MTCL1: variants seen among roughly 807,000 people sequenced by gnomAD.
MTCL1 encodes microtubule crosslinking factor 1.
MTCL1 carries 79 observed loss-of-function variants against 141.4 expected under a neutral mutation model. The ratio of observed to expected loss-of-function variants is 0.56; its 90% CI spans 0.47 to 0.67. MTCL1 has a LOEUF of 0.67. Ranked by LOEUF, MTCL1 falls within the 30% of genes least tolerant of loss-of-function variation. The probability of loss-of-function intolerance (pLI) is 0.00; values close to 1 mark genes in which losing one functional copy is unlikely to be tolerated. For missense variants in MTCL1, 2,177 were observed against 2,113.9 expected (o/e 1.03, Z -0.59); for synonymous variants, 914 against 875.8 (o/e 1.04, Z -0.77).
At chr18:8,809,845 C>T (rs953300766) in intron 11 of MTCL1, 3 of 474,868 alleles carry the variant, frequency 6.3e-6, no homozygotes, top group African/African-American at 5.9e-5. Context: ...TTGAAAAGGG[C>T]TGGGCTGAAG....
intron 11 of MTCL1, among the ~76,000 whole-genome samples, chr18:8,807,387 T>C (rs1205480762): frequency 6.6e-6 from 1 of 152,224 alleles, no homozygotes; most frequent in African/African-American, 2.4e-5. Flanking sequence ...GACATAACTC[T>C]AGACAGGAGC....
At chr18:8,785,645 C>T (rs1172026419) in intron 6 of MTCL1, 4 of 413,390 alleles carry the variant, frequency 9.7e-6, no homozygotes, top group African/African-American at 2.0e-5. Context: ...GCATGTGCCC[C>T]GTAACCAGTG....
rs181950069 is a variant in MTCL1 at position 8,780,377 on chromosome 18, C to T, written c.417+2485C>T. ...AGGCCTCACCAGCTGCAAGTTTCCA[C>T]GGATGCTGGTCACAGCAGGCGGCCC... On this transcript the variant is annotated intron_variant, in intron 5 of 16. Coordinates refer to ENST00000359865, the Ensembl canonical transcript of MTCL1. Among the ~76,000 whole-genome samples, 65 of 152,352 alleles carry T rather than the reference C, an allele frequency of 4.3e-4. No individual in the cohort carries two copies. In the South Asian group the frequency reaches 4.6e-3, roughly 11 times the overall value.
rs755893564 is a variant in MTCL1, at chr18:8,720,515, G to C, written c.357+19G>C. 2 of 1,608,286 alleles carry C rather than the reference G, an allele frequency of 1.2e-6. No homozygotes were observed. Among genetic ancestry groups the C allele is most frequent in the Non-Finnish European group, 8.5e-7 (1 of 1,176,904 alleles). ...GAAAGAGGTAATCCAAAACTGTGGG[G>C]GTCCTGCCCCCTTGGATTTAATAAG... On this transcript the variant is annotated intron_variant, in intron 4 of 16. Coordinates refer to ENST00000359865, the Ensembl canonical transcript of MTCL1.
chr18:8,755,178 C>T (rs755753013), intron 4 of MTCL1, among the ~76,000 whole-genome samples: 9 of 152,190 alleles, frequency 5.9e-5, no homozygotes, highest in East Asian at 3.8e-4. Flanking sequence ...TGTGGCTCAG[C>T]GCCACCAAAG....
chr18:8,752,107 TC>T (rs1284362165), intron 4 of MTCL1, among the ~76,000 whole-genome samples: 5 of 152,216 alleles, frequency 3.3e-5, no homozygotes, highest in African/African-American at 9.6e-5. Context: ...GAGCTTTGAC[TC>T]TAGGACATCC....
At chr18:8,750,410 C>A (rs544415364) in intron 4 of MTCL1, among the ~76,000 whole-genome samples, 1 of 152,194 alleles carries the variant, frequency 6.6e-6, no homozygotes, top group African/African-American at 2.4e-5. Flanking sequence ...GGAGAGAGCC[C>A]GGTCCTGGAG....
chr18:8,730,642 C>T lies in MTCL1; in HGVS notation c.357+10146C>T, dbSNP rs144072514. Among the ~76,000 whole-genome samples, 673 of 152,280 alleles carry T rather than the reference C, an allele frequency of 4.4e-3. 5 individuals are homozygous for T. Among genetic ancestry groups the T allele is most frequent in the African/African-American group, 0.015 (639 of 41,550 alleles). On this transcript the variant is annotated intron_variant, in intron 4 of 16. Coordinates refer to ENST00000359865, the Ensembl canonical transcript of MTCL1. ...GGACAACGCCGGCTTGTCCCCTGTGCGCTGTACAGCTGCCTTCTTTTTATT... is the reference window on the plus strand; with the variant it reads ...GGACAACGCCGGCTTGTCCCCTGTGTGCTGTACAGCTGCCTTCTTTTTATT...
chr18:8,729,805 G>C (rs1339953373), intron 4 of MTCL1, among the ~76,000 whole-genome samples: 1 of 150,694 alleles, frequency 6.6e-6, no homozygotes, highest in Non-Finnish European at 1.5e-5. Flanking sequence ...CAGGGCAAAA[G>C]TTTTTAGTTT....
intron 4 of MTCL1, among the ~76,000 whole-genome samples, chr18:8,772,037 G>T (rs1405315078): frequency 1.3e-5 from 2 of 152,234 alleles, no homozygotes; most frequent in African/African-American, 4.8e-5. Flanking sequence ...GAGTCCGGTG[G>T]CATCTAGCAC....
At chr18:8,716,569 ATTTTTTTTT>A (rs138840096), upstream of MTCL1, among the ~76,000 whole-genome samples, 1 of 103,896 alleles carries the variant, frequency 9.6e-6, no homozygotes, top group African/African-American at 3.9e-5. Context: ...CTTTTTGTTC[ATTTTTTTTT>A]TTTTTTTTTT....
chr18:8,766,402 C>T (rs1475479098), intron 4 of MTCL1, among the ~76,000 whole-genome samples: 3 of 151,962 alleles, frequency 2.0e-5, no homozygotes, highest in African/African-American at 7.3e-5. Context: ...ACTGTGTAGG[C>T]TCTGTGCCCT....
At chr18:8,825,508 C>T (rs1377518588) in exon 15 of MTCL1, 1 of 1,611,960 alleles carries the variant, frequency 6.2e-7, no homozygotes, top group Non-Finnish European at 8.5e-7. Context: ...CAGACTGAAG[C>T]CCTGCGTGGC....
chr18:8,767,822 A>C (rs1002782030), intron 4 of MTCL1, among the ~76,000 whole-genome samples: 4 of 152,170 alleles, frequency 2.6e-5, no homozygotes, highest in Admixed American at 1.3e-4. Flanking sequence ...CAAAAACATA[A>C]AGTCATCCAT....
chr18:8,737,792 T>G (rs2096281712), intron 4 of MTCL1, among the ~76,000 whole-genome samples: 1 of 152,148 alleles, frequency 6.6e-6, no homozygotes, highest in African/African-American at 2.4e-5. Flanking sequence ...CATAACCAAC[T>G]GCAGGACAGA....
chr18:8,784,097 G>A lies in MTCL1; in HGVS notation c.985G>A (p.Gly329Arg), dbSNP rs766408369. ...AGGAGAGGGTGCAAGTCCTGGTGCC[G>A]GGGGTGGGGCCCCCCTGCAGGAGGA... Residue 329 changes from glycine (G) to arginine (R), a missense_variant, in exon 6 of 17, where the codon GGG becomes AGG. Gly to Arg is a moderately radical substitution (Grantham distance 125). Coordinates refer to ENST00000359865, the Ensembl canonical transcript of MTCL1. 16 of 1,613,182 alleles carry A rather than the reference G, an allele frequency of 9.9e-6. No individual in the cohort carries two copies. The highest frequency in any genetic ancestry group is 2.7e-5 in the African/African-American group (2 of 74,938).
At chr18:8,817,513 G>A (rs2076695855) in intron 12 of MTCL1, among the ~76,000 whole-genome samples, 1 of 152,034 alleles carries the variant, frequency 6.6e-6, no homozygotes, top group Non-Finnish European at 1.5e-5. Context: ...CACTAACAAT[G>A]AGCAAACGTC....
chr18:8,756,369 G>GTGTATATA (rs767071261), intron 4 of MTCL1, among the ~76,000 whole-genome samples: 23 of 149,408 alleles, frequency 1.5e-4, no homozygotes, highest in Admixed American at 6.7e-5. Context: ...ATGTATATAT[G>GTGTATATA]TGTATATATG....
chr18:8,764,320 C>CT (rs765641846), intron 4 of MTCL1, among the ~76,000 whole-genome samples: 1,733 of 143,674 alleles, frequency 0.012, 15 homozygotes, highest in African/African-American at 0.022. Context: ...ACTATTCTCA[C>CT]TTTTTTTTTT....
Sources: allele counts gnomAD v4.1 joint callset (sites outside exome capture counted in the v4.1 genomes callset), GRCh38; gene constraint gnomAD v4.1.1; transcripts MANE v1.5; gene names NCBI Gene and HGNC (gene_info 2026-07-23, HGNC 2026-07-21).